The following IGSF9B variants were observed in gnomAD, a reference collection of about 807,000 sequenced individuals.
IGSF9B encodes the protein immunoglobulin superfamily member 9B.
IGSF9B carries 48 observed loss-of-function variants against 143.7 expected under a neutral mutation model. The observed-to-expected ratio is 0.33, with a 90% CI of 0.26 to 0.42. IGSF9B has a LOEUF of 0.42. IGSF9B is among the 20% of genes least tolerant of loss of function. The pLI, the probability that IGSF9B is intolerant of heterozygous loss-of-function variation, is 1.00. For synonymous variants in IGSF9B, 903 were observed against 833.1 expected (o/e 1.08, Z -1.44); for missense variants, 1,706 against 1,980.0 (o/e 0.86, Z 2.63).
At chr11:133,955,958 G>T (rs1401759914) in intron 1 of IGSF9B, among the ~76,000 whole-genome samples, 1 of 152,042 alleles carries the variant, frequency 6.6e-6, no homozygotes, top group Non-Finnish European at 1.5e-5. Flanking sequence ...AGGGCGGCGT[G>T]GGGCCCGCGC....
chr11:133,910,358 G>A (rs1939282652), intron 19 of IGSF9B, among the ~76,000 whole-genome samples: 1 of 152,204 alleles, frequency 6.6e-6, no homozygotes, highest in Non-Finnish European at 1.5e-5. Flanking sequence ...AATAGTCAAG[G>A]TGGGACAGAC....
At chr11:133,923,188 G>A (rs529055763) in intron 15 of IGSF9B, among the ~76,000 whole-genome samples, 1 of 152,194 alleles carries the variant, frequency 6.6e-6, no homozygotes, top group South Asian at 2.1e-4. Flanking sequence ...AAACCAGAAC[G>A]CAGCTGCCTG....
chr11:133,938,062 G>A (rs1253011753), intron 3 of IGSF9B, 101 bp from the exon 4 acceptor site: 11 of 1,290,554 alleles, frequency 8.5e-6, no homozygotes, highest in African/African-American at 5.9e-5. Flanking sequence ...GCGGCTCTGC[G>A]GAATGCAAGG....
chr11:133,915,044 C>A (rs1376386930), intron 18 of IGSF9B, among the ~76,000 whole-genome samples: 1 of 152,074 alleles, frequency 6.6e-6, no homozygotes, highest in Non-Finnish European at 1.5e-5. Flanking sequence ...TGCCATTACC[C>A]CAGAAGCCAG....
intron 13 of IGSF9B, 77 bp downstream of exon 13, chr11:133,926,839 A>C (rs1212346476): frequency 7.8e-7 from 1 of 1,277,094 alleles, no homozygotes; most frequent in African/African-American, 1.5e-5. Flanking sequence ...CAGGAGGCCG[A>C]CTGCTATAGC....
chr11:133,919,668 G>C, intron 18 of IGSF9B, 74 bp downstream of exon 18: 1 of 988,396 alleles, frequency 1.0e-6, no homozygotes, highest in Non-Finnish European at 1.4e-6. Flanking sequence ...GATGGACGGG[G>C]TGGAGGGCAG....
intron 18 of IGSF9B, among the ~76,000 whole-genome samples, chr11:133,916,733 C>T (rs1017128792): frequency 1.1e-4 from 16 of 152,260 alleles, no homozygotes; most frequent in African/African-American, 3.9e-4. Flanking sequence ...TGAGGAATAA[C>T]ACATGAGAGC....
intron 4 of IGSF9B, 42 bp from the exon 5 acceptor site, chr11:133,937,535 A>T: frequency 6.8e-7 from 1 of 1,474,916 alleles, no homozygotes; most frequent in Non-Finnish European, 9.4e-7. Context: ...CCACGCTCAC[A>T]CCCACCGCTG....
chr11:133,946,110 G>T lies in IGSF9B; in HGVS notation c.213C>A (p.Ile71=), dbSNP rs1024707429. The change falls in exon 2 of 20, where the codon ATC becomes ATA. Residue 71 remains isoleucine, a synonymous_variant. Transcript: ENST00000533871. ...EWFKFGVPIP[I]FIKFGYYPPH... is the part of the protein sequence containing the mutation. ...GCGGGTAGTAGCCAAACTTGATGAA[G>T]ATAGGGATGGGGACCCCGAACTTGA... 2 of 1,608,768 alleles carry T rather than the reference G, an allele frequency of 1.2e-6. No individual in the cohort carries two copies. The highest frequency in any genetic ancestry group is 1.7e-6 in the Non-Finnish European group (2 of 1,177,438).
chr11:133,947,005 T>C (rs1032887812), intron 1 of IGSF9B, among the ~76,000 whole-genome samples: 16 of 152,126 alleles, frequency 1.1e-4, no homozygotes, highest in Admixed American at 1.3e-4. Flanking sequence ...GAGAGCAGGA[T>C]GCTGGCGACA....
chr11:133,946,369 A>C, intron 1 of IGSF9B, 111 bp from the exon 2 acceptor site: 3 of 870,896 alleles, frequency 3.4e-6, no homozygotes, highest in Non-Finnish European at 5.4e-6. Flanking sequence ...GCTGCCCTCC[A>C]TGGGCCACCG....
At chr11:133,912,974 T>C (rs531432414) in intron 18 of IGSF9B, among the ~76,000 whole-genome samples, 1 of 152,152 alleles carries the variant, frequency 6.6e-6, no homozygotes, top group African/African-American at 2.4e-5. Context: ...TCGGTGCATA[T>C]TGGAGAGAAT....
At chr11:133,929,006 G>A (rs1437980559) in intron 12 of IGSF9B, among the ~76,000 whole-genome samples, 1 of 152,164 alleles carries the variant, frequency 6.6e-6, no homozygotes, top group East Asian at 1.9e-4. Flanking sequence ...TGGGGAGGGT[G>A]AACACGTACA....
In IGSF9B at chr11:133,926,950, G is replaced by A. The variant is rs995642736; in HGVS notation, c.1773C>T (p.Ser591=). The change falls in exon 13 of 20, where the codon AGC becomes AGT. Residue 591 remains serine (S), a synonymous_variant. Transcript: ENST00000533871. ...TCACAGTGACCACCTCACTGAAGGC[G>A]CTGGTTCCCAGCTTGTTCTGGGCCA... The part of the protein sequence containing the change: ...SVLAQNKLGT[S]AFSEVVTVNT... The A allele has an allele frequency of 1.9e-6, 3 of 1,598,598 alleles. No individual in the cohort carries two copies. The highest frequency in any genetic ancestry group is 2.6e-6 in the Non-Finnish European group (3 of 1,172,726).
At chr11:133,940,535 ACAC>A (rs1939930452) in intron 3 of IGSF9B, among the ~76,000 whole-genome samples, 2 of 144,546 alleles carry the variant, frequency 1.4e-5, no homozygotes, top group South Asian at 4.4e-4. Context: ...GCAAAAACAC[ACAC>A]CTCGCATGTC....
chr11:133,903,803 T>G lies in IGSF9B; in HGVS notation c.*5266A>C, dbSNP rs1939175356. The stretch of plus-strand genomic sequence containing the variant: ...CCAGAAATAAGGCTCTGAACCAGTG[T>G]GGATTCACTCGCAGTCAGAGGGAAG... On this transcript the variant is annotated 3_prime_UTR_variant, in exon 20 of 20. Transcript: ENST00000533871. Among the ~76,000 whole-genome samples, 1 of 152,160 alleles carries G rather than the reference T, an allele frequency of 6.6e-6. No homozygotes were observed. The highest frequency in any genetic ancestry group is 1.5e-5 in the Non-Finnish European group (1 of 68,014).
In IGSF9B at chr11:133,903,875, G is replaced by A. The variant is rs912979889; in HGVS notation, c.*5194C>T. 3.3e-5 allele frequency among the ~76,000 whole-genome samples: 5 copies of A among 152,152 alleles called. No individual in the cohort carries two copies. Among genetic ancestry groups the A allele is most frequent in the South Asian group, 2.1e-4 (1 of 4,826 alleles). On this transcript the variant is annotated 3_prime_UTR_variant, in exon 20 of 20. Transcript: ENST00000533871. ...CCAAACAGCAAGCTGGTAAGAGTGCGAAAGTCCAATCTGGGCTTTGATCCT... is the reference window on the plus strand; with the variant it reads ...CCAAACAGCAAGCTGGTAAGAGTGCAAAAGTCCAATCTGGGCTTTGATCCT...
chr11:133,940,620 C>T (rs1208066005), intron 3 of IGSF9B, among the ~76,000 whole-genome samples: 1 of 148,202 alleles, frequency 6.7e-6, no homozygotes, highest in African/African-American at 2.5e-5. Flanking sequence ...TAAACATACA[C>T]CTTGCACGTC....
At chr11:133,924,601 T>A (rs548751850) in intron 15 of IGSF9B, among the ~76,000 whole-genome samples, 2 of 152,286 alleles carry the variant, frequency 1.3e-5, no homozygotes, top group African/African-American at 4.8e-5. Context: ...TATACAAGTG[T>A]CAGAAACTCA....
Sources: allele counts gnomAD v4.1 joint callset (sites outside exome capture counted in the v4.1 genomes callset), GRCh38; gene constraint gnomAD v4.1.1; transcripts MANE v1.5; gene names NCBI Gene and HGNC (gene_info 2026-07-23, HGNC 2026-07-21).